Variants in EBF3 observed in about 807,000 individuals in gnomAD.
The protein encoded by EBF3 is transcription factor COE3.
In EBF3, 18 loss-of-function variants were observed where a neutral mutation model predicts 77.1. That is an observed-to-expected ratio of 0.23 (90% confidence interval 0.16 to 0.35). The LOEUF (loss-of-function observed/expected upper bound fraction) is 0.35, where lower values mean the gene tolerates loss of function less well. Among genes scored for constraint, EBF3 ranks in the 10% least tolerant of loss-of-function variants. EBF3 has a pLI of 1.00. For missense variants in EBF3, 558 were observed against 860.0 expected, an observed-to-expected ratio of 0.65 and a Z score of 4.39; for synonymous variants, 350 against 343.5, an observed-to-expected ratio of 1.02 and a Z score of -0.21.
intron 7 of EBF3, among the ~76,000 whole-genome samples, chr10:129,875,864 C>G (rs975297171): frequency 2.0e-5 from 3 of 152,212 alleles, no homozygotes; most frequent in African/African-American, 7.2e-5. Context: ...CCAGGTGCCC[C>G]CCTTGTGTTC....
At chr10:129,839,821 G>A (rs1018429354) in intron 15 of EBF3, among the ~76,000 whole-genome samples, 5 of 152,332 alleles carry the variant, frequency 3.3e-5, no homozygotes, top group Non-Finnish European at 7.4e-5. Context: ...TGCATAGCAG[G>A]CTGCAAGCCC....
chr10:129,872,520 C>T (rs1222909613), intron 8 of EBF3, among the ~76,000 whole-genome samples: 2 of 152,170 alleles, frequency 1.3e-5, no homozygotes, highest in Non-Finnish European at 2.9e-5. Context: ...CTGTCTGCCT[C>T]GTGTGTGGCT....
At chr10:129,862,685 G>C (rs1403854229) in intron 10 of EBF3, among the ~76,000 whole-genome samples, 1 of 152,194 alleles carries the variant, frequency 6.6e-6, no homozygotes, top group East Asian at 1.9e-4. Context: ...ACACGCATTT[G>C]TGCCATGATG....
At chr10:129,927,444 C>T (rs989673115) in intron 6 of EBF3, among the ~76,000 whole-genome samples, 1 of 152,180 alleles carries the variant, frequency 6.6e-6, no homozygotes, top group African/African-American at 2.4e-5. Flanking sequence ...TTACAAAAGG[C>T]ACAGAAAGCC....
rs994482842 is a variant in EBF3, at chr10:129,943,263, A to G, written c.554+13995T>C. On this transcript the variant is annotated intron_variant, in intron 6 of 16. Transcript: ENST00000440978. This position sits in a 1 kb window ranked among gnomAD's most constrained non-coding sequence, Gnocchi z 8.8. The stretch of plus-strand genomic sequence containing the variant: ...CTCTCCACAAACAAATAAACAGCAA[A>G]TACTTACAGGAGACAGCCTTGTAGA... 6.6e-6 allele frequency among the ~76,000 whole-genome samples: 1 copy of G among 152,358 alleles called. No homozygotes were observed. Among genetic ancestry groups the G allele is most frequent in the African/African-American group, 2.4e-5 (1 of 41,594 alleles).
At chr10:129,927,819 G>C (rs1856774174) in intron 6 of EBF3, among the ~76,000 whole-genome samples, 3 of 152,158 alleles carry the variant, frequency 2.0e-5, no homozygotes, top group Admixed American at 2.0e-4. Flanking sequence ...AGCTCTCCTG[G>C]CCATCCCACG....
intron 6 of EBF3, among the ~76,000 whole-genome samples, chr10:129,921,370 G>C (rs914068499): frequency 2.0e-5 from 3 of 152,064 alleles, no homozygotes; most frequent in Admixed American, 2.0e-4. Context: ...AACCAAAAAG[G>C]CCTCTGGATG....
chr10:129,890,438 G>C (rs1425146567), intron 6 of EBF3, among the ~76,000 whole-genome samples: 2 of 152,250 alleles, frequency 1.3e-5, no homozygotes, highest in Non-Finnish European at 2.9e-5. Flanking sequence ...AGATGATGTA[G>C]CACAAAGAGC....
intron 6 of EBF3, among the ~76,000 whole-genome samples, chr10:129,941,691 G>A (rs1254192976): frequency 6.6e-6 from 1 of 152,246 alleles, no homozygotes; most frequent in Non-Finnish European, 1.5e-5. Context: ...CCCAGGGCCT[G>A]GAGGCCAGAG....
In EBF3 at chr10:129,879,338, T is replaced by G. The variant is rs924825784; in HGVS notation, c.555-1489A>C. Among the ~76,000 whole-genome samples, 1 of 152,164 alleles carries G rather than the reference T, an allele frequency of 6.6e-6. No homozygotes were observed. The highest frequency in any genetic ancestry group is 1.9e-4 in the East Asian group (1 of 5,190). On this transcript the variant is annotated intron_variant, in intron 6 of 16. Coordinates refer to ENST00000440978, the MANE Select transcript of EBF3 (RefSeq NM_001375380.1). The surrounding 1 kb of genome is among the most constrained non-coding windows in gnomAD (Gnocchi z 4.7). ...TCATCAACACAAACCTTTCTCTACT[T>G]CCTCCCAAAATATCATCTGTCCTAC...
At chr10:129,930,858 A>G (rs1856975767) in intron 6 of EBF3, among the ~76,000 whole-genome samples, 1 of 149,628 alleles carries the variant, frequency 6.7e-6, no homozygotes, top group Non-Finnish European at 1.5e-5. Context: ...ATCTATCTCT[A>G]TATTAACAAA....
In EBF3 at chr10:129,863,657, C is replaced by G. The variant is rs1031421786; in HGVS notation, c.1039+3484G>C. Among the ~76,000 whole-genome samples, 32 of 152,212 alleles carry G rather than the reference C, an allele frequency of 2.1e-4. No individual in the cohort carries two copies. Among genetic ancestry groups the G allele is most frequent in the African/African-American group, 7.0e-4 (29 of 41,458 alleles). On this transcript the variant is annotated intron_variant, in intron 10 of 16. Coordinates refer to ENST00000440978, the MANE Select transcript of EBF3 (RefSeq NM_001375380.1). The surrounding 1 kb of genome is among the most constrained non-coding windows in gnomAD (Gnocchi z 4.0). ...GGAACCAGACGCCCAGGGGACGGTG[C>G]CTACGTCGTGACATGCAAAGGGGCT...
At chr10:129,852,856 C>T (rs1465049769) in intron 10 of EBF3, among the ~76,000 whole-genome samples, 2 of 152,156 alleles carry the variant, frequency 1.3e-5, no homozygotes, top group African/African-American at 2.4e-5. Flanking sequence ...GGGGCTTGGT[C>T]GTGGGTCCCC....
intron 7 of EBF3, 39 bp downstream of exon 7, chr10:129,877,729 G>C: frequency 6.4e-7 from 1 of 1,563,608 alleles, no homozygotes; most frequent in Non-Finnish European, 8.8e-7. Flanking sequence ...GGTATGAAAA[G>C]TCAGGACCAC....
chr10:129,840,894 G>A lies in EBF3; in HGVS notation c.1511C>T (p.Pro504Leu). 1 of 1,614,034 alleles carries A rather than the reference G, an allele frequency of 6.2e-7. No individual in the cohort carries two copies. Among genetic ancestry groups the A allele is most frequent in the Non-Finnish European group, 8.5e-7 (1 of 1,179,966 alleles). ...GSGAMASLGV[P>L]GSPGFLNGSS... Reference sequence around the variant, plus strand: ...GCCATTAAGAAATCCAGGCGAGCCAGGGACCCCTAGACTGGCCATGGCGCC... The same window carrying A: ...GCCATTAAGAAATCCAGGCGAGCCAAGGACCCCTAGACTGGCCATGGCGCC... The change falls in exon 14 of 17, where the codon CCT (proline) becomes CTT (leucine). Residue 504 changes from proline to leucine, a missense_variant. By Grantham distance (98) the Pro-to-Leu change is moderately conservative. Around this residue, in one of 5 missense-constraint regions of EBF3, gnomAD observed 284 missense variants for 368.3 expected, o/e 0.77. Transcript: ENST00000440978.
chr10:129,928,493 A>C (rs1207822506), intron 6 of EBF3, among the ~76,000 whole-genome samples: 1 of 152,224 alleles, frequency 6.6e-6, no homozygotes, highest in East Asian at 1.9e-4. Flanking sequence ...GGGACCTTCC[A>C]TAATTTATTT....
intron 10 of EBF3, among the ~76,000 whole-genome samples, chr10:129,849,094 A>G (rs111857788): frequency 1.4e-4 from 22 of 152,278 alleles, no homozygotes; most frequent in Non-Finnish European, 3.1e-4. Flanking sequence ...TCAAATTGTA[A>G]TTTTGACTAT....
chr10:129,961,579 G>A (rs964852960), intron 4 of EBF3, among the ~76,000 whole-genome samples: 1 of 152,230 alleles, frequency 6.6e-6, no homozygotes, highest in Non-Finnish European at 1.5e-5. Flanking sequence ...AGAGGGGGCA[G>A]AGCAGTGGAC....
intron 6 of EBF3, among the ~76,000 whole-genome samples, chr10:129,929,892 G>A (rs1856892578): frequency 6.6e-6 from 1 of 152,224 alleles, no homozygotes; most frequent in South Asian, 2.1e-4. Context: ...TCATTTCTGG[G>A]TGTGTCTGTG....
Sources: allele counts gnomAD v4.1 joint callset (sites outside exome capture counted in the v4.1 genomes callset), GRCh38; gene constraint gnomAD v4.1.1; regional missense constraint gnomAD v4.1.1; non-coding constraint Gnocchi (gnomAD v3.1); transcripts MANE v1.5; gene names NCBI Gene and HGNC (gene_info 2026-07-23, HGNC 2026-07-21).